RRM2B: variants seen among roughly 807,000 people sequenced by gnomAD.
The protein encoded by RRM2B is ribonucleotide reductase regulatory TP53 inducible subunit M2B.
In RRM2B, 20 loss-of-function variants were observed where a neutral mutation model predicts 45.9. The observed-to-expected ratio is 0.44, with a 90% CI of 0.31 to 0.63. RRM2B has a LOEUF of 0.63. Ranked by LOEUF, RRM2B falls within the 30% of genes least tolerant of loss-of-function variation. The pLI is 0.09. For synonymous variants in RRM2B, 124 were observed against 132.3 expected (o/e 0.94, Z 0.43); for missense variants, 320 against 414.7 (o/e 0.77, Z 1.98).
chr8:102,238,952 G>GTGGTCCGCTGGTCCGC lies in RRM2B; in HGVS notation c.-79_-78insGCGGACCAGCGGACCA, dbSNP rs28999668. ...CACCTCCAACTACGACAGCACCCAG[G>GTGGTCCGCTGGTCCGC]TGGTCCGCTGGTCCGCTGGGTCCGC... On this transcript the variant is annotated 5_prime_UTR_variant, in exon 1 of 9. Transcript: ENST00000251810. 68 of 1,469,978 alleles carry GTGGTCCGCTGGTCCGC rather than the reference G, an allele frequency of 4.6e-5. No homozygotes were observed. Among genetic ancestry groups the GTGGTCCGCTGGTCCGC allele is most frequent in the East Asian group, 3.9e-4 (17 of 43,678 alleles). The allele number at this position is 1,469,978 out of a possible 1,614,324, so 91.1% of individuals were successfully genotyped here. A position where few individuals can be genotyped will look rare whatever the true frequency, so the allele number is the denominator to read the frequency against.
At chr8:102,211,420 T>C (rs1810634210) in intron 8 of RRM2B, among the ~76,000 whole-genome samples, 1 of 152,244 alleles carries the variant, frequency 6.6e-6, no homozygotes, top group South Asian at 2.1e-4. Flanking sequence ...TTTACTCAGA[T>C]ATTTTGAAGC....
At chr8:102,218,680 C>T (rs1810773846) in intron 6 of RRM2B, 134 bp downstream of exon 6, 7 of 706,268 alleles carry the variant, frequency 9.9e-6, no homozygotes, top group East Asian at 2.7e-5. Context: ...AAGCCATGAT[C>T]GTGCCACTGT....
chr8:102,208,407 A>T lies in RRM2B; in HGVS notation c.904-122T>A, dbSNP rs563436729. 3 of 754,268 alleles carry T rather than the reference A, an allele frequency of 4.0e-6. No homozygotes were observed. In the African/African-American group the frequency reaches 5.2e-5, roughly 13 times the overall value. 46.7% of individuals were successfully genotyped at this position (754,268 alleles called of 1,614,324 possible). On this transcript the variant is annotated intron_variant, in intron 8 of 8. Transcript: ENST00000251810. ...AACCTATCTAGTCAGCTACAAGATC[A>T]TATCATTCCCCTAAGACCCTGGAGG...
chr8:102,211,484 G>T (rs1462219807), intron 8 of RRM2B, among the ~76,000 whole-genome samples: 1 of 152,158 alleles, frequency 6.6e-6, no homozygotes, highest in African/African-American at 2.4e-5. Context: ...GCAGGAGGTG[G>T]CATGTTTTAC....
At chr8:102,232,125 G>A (rs2132562372) in intron 2 of RRM2B, 24 bp downstream of exon 2, 1 of 1,608,806 alleles carries the variant, frequency 6.2e-7, no homozygotes, top group Middle Eastern at 1.7e-4. Flanking sequence ...GGATGTGAAT[G>A]CTCTTGGAGG....
intron 1 of RRM2B, among the ~76,000 whole-genome samples, chr8:102,233,386 T>G (rs982736712): frequency 2.6e-5 from 4 of 152,222 alleles, no homozygotes; most frequent in Non-Finnish European, 2.9e-5. Flanking sequence ...TGTTTAAAGG[T>G]ATGGGCCTCC....
intron 2 of RRM2B, among the ~76,000 whole-genome samples, chr8:102,226,410 A>G (rs1295880084): frequency 6.6e-6 from 1 of 151,986 alleles, no homozygotes; most frequent in African/African-American, 2.4e-5. Flanking sequence ...GATGGAATCG[A>G]ATTTTCTGGC....
In RRM2B at chr8:102,238,811, C is replaced by T. The variant is rs765131007; in HGVS notation, c.48+16G>A. On this transcript the variant is annotated intron_variant, in intron 1 of 8. Coordinates refer to ENST00000251810, the MANE Select transcript of RRM2B (RefSeq NM_015713.5). ...CGTGACTGCGGTGAGGGGGAAGACG[C>T]AACAGCAACATTTACCTCATCCTGA... 3.7e-6 allele frequency: 6 copies of T among 1,613,696 alleles called. No homozygotes were observed. In the African/African-American group the frequency reaches 6.7e-5, roughly 18 times the overall value.
intron 2 of RRM2B, among the ~76,000 whole-genome samples, chr8:102,231,775 A>G (rs1023881944): frequency 2.0e-5 from 3 of 151,022 alleles, no homozygotes; most frequent in Non-Finnish European, 2.9e-5. Context: ...AAGCTGAGGC[A>G]GGAGAATCGC....
At chr8:102,216,932 A>G (rs1810740392) in intron 6 of RRM2B, among the ~76,000 whole-genome samples, 1 of 152,080 alleles carries the variant, frequency 6.6e-6, no homozygotes, top group Non-Finnish European at 1.5e-5. Context: ...TTACTGGAAA[A>G]AAAATCTGCA....
intron 5 of RRM2B, among the ~76,000 whole-genome samples, chr8:102,221,558 T>TC (rs1810836001): frequency 6.6e-6 from 1 of 152,094 alleles, no homozygotes; most frequent in African/African-American, 2.4e-5. Flanking sequence ...AATGCACTCT[T>TC]CACTCTTTCC....
chr8:102,218,928 A>G lies in RRM2B; in HGVS notation c.570T>C (p.Phe190=), dbSNP rs1412272427. The change falls in exon 6 of 9, where the codon TTT becomes TTC. Residue 190 remains phenylalanine (F), a synonymous_variant. Transcript: ENST00000251810. Reference sequence around the variant, plus strand: ...AGAAGAAAACTCCTTCTACAGCAGCAAAGGCCACCACTCTTTCCCCTGGGA... The same window carrying G: ...AGAAGAAAACTCCTTCTACAGCAGCGAAGGCCACCACTCTTTCCCCTGGGA... ...KSTFGERVVA[F]AAVEGVFFSG... is the part of the protein sequence containing the mutation. The G allele has an allele frequency of 1.4e-5, 22 of 1,613,348 alleles. No individual in the cohort carries two copies. The highest frequency in any genetic ancestry group is 1.8e-5 in the Non-Finnish European group (21 of 1,179,594).
intron 1 of RRM2B, among the ~76,000 whole-genome samples, chr8:102,235,711 C>T (rs1285700931): frequency 1.3e-5 from 2 of 152,098 alleles, no homozygotes; most frequent in Non-Finnish European, 2.9e-5. Context: ...TGGTGGCGTA[C>T]GCCTGTACTC....
chr8:102,207,102 TA>T lies in RRM2B; in HGVS notation c.*1030del, dbSNP rs543315844. On this transcript the variant is annotated 3_prime_UTR_variant, in exon 9 of 9. Transcript: ENST00000251810. ...ACTAGCTGGGTGAGATGTTAACAGG[TA>T]AAAAACATCTGTGTTAAGTATGTTG... 1 of 152,148 alleles carries T rather than the reference TA, an allele frequency of 6.6e-6. No individual in the cohort carries two copies. 9.4% of individuals were successfully genotyped at this position (152,148 alleles called of 1,614,324 possible).
intron 7 of RRM2B, among the ~76,000 whole-genome samples, 160 bp downstream of exon 7, chr8:102,213,894 A>T (rs1034246076): frequency 2.0e-5 from 3 of 152,250 alleles, no homozygotes; most frequent in African/African-American, 7.2e-5. Flanking sequence ...GTAAACTGAC[A>T]TAATAATTGT....
intron 1 of RRM2B, among the ~76,000 whole-genome samples, chr8:102,235,564 G>C (rs779862445): frequency 2.0e-5 from 3 of 152,192 alleles, no homozygotes; most frequent in African/African-American, 4.8e-5. Flanking sequence ...ATTCAGGCCC[G>C]GCGTGGTGCC....
intron 3 of RRM2B, 139 bp downstream of exon 3, chr8:102,225,779 G>GA (rs1810921626): frequency 1.5e-6 from 1 of 679,286 alleles, no homozygotes; most frequent in Admixed American, 2.1e-5. Context: ...CAATTCATCA[G>GA]AAAAACATTT....
chr8:102,226,097 A>AAG, intron 2 of RRM2B, 63 bp from the exon 3 acceptor site: 1 of 961,828 alleles, frequency 1.0e-6, no homozygotes, highest in Non-Finnish European at 1.7e-6. Context: ...AGTGTTTGGG[A>AAG]AACTAACTTC....
Position 102,238,932 on chromosome 8 carries a change from C to G in RRM2B, c.-58G>C. The G allele has an allele frequency of 1.3e-6, 2 of 1,574,206 alleles. No homozygotes were observed. Among genetic ancestry groups the G allele is most frequent in the African/African-American group, 1.3e-5 (1 of 74,494 alleles). ...GGGAACTGAGCTCCTCAGGCCACCT[C>G]CAACTACGACAGCACCCAGGTGGTC... On this transcript the variant is annotated 5_prime_UTR_variant, in exon 1 of 9. Transcript: ENST00000251810.
Sources: gnomAD v4.1 joint callset for allele counts (sites outside exome capture counted in the v4.1 genomes callset) on GRCh38, gnomAD v4.1.1 for gene constraint, MANE v1.5 for transcripts, NCBI Gene and HGNC (gene_info 2026-07-23, HGNC 2026-07-21) for gene names.